The following DLEC1 variants were observed in gnomAD, a reference collection of about 807,000 sequenced individuals.
The protein encoded by DLEC1 is DLEC1 cilia and flagella associated protein, also known as deleted in lung and esophageal cancer protein 1.
Under a neutral mutation model 198.1 loss-of-function variants are expected in DLEC1, and 146 were observed. The observed-to-expected ratio is 0.74, with a 90% CI of 0.64 to 0.85. The LOEUF is 0.85. DLEC1 is among the 40% of genes least tolerant of loss of function. DLEC1 has a pLI of 0.00. For synonymous variants in DLEC1, 897 were observed against 866.8 expected (o/e 1.03, Z -0.61); for missense variants, 2,233 against 2,220.0 (o/e 1.01, Z -0.12).
At position 38,109,539 on chromosome 3, in the gene DLEC1, C is replaced by G; in HGVS notation, c.3237C>G (p.Ile1079Met). Residue 1079 changes from isoleucine (I) to methionine (M), a missense_variant, in exon 22 of 37, where the codon ATC (isoleucine) becomes ATG (methionine). Physicochemically the swap from Ile to Met is conservative, Grantham distance 10. Coordinates refer to ENST00000308059, the MANE Select transcript of DLEC1 (RefSeq NM_007335.4). ...KPQGLQVAIT[I>M]SKESSDCSTE... ...AGGGACTGCAAGTGGCCATTACCAT[C>G]TCTAAGGAGAGCTCTGATTGCAGGT... is the stretch of plus-strand genomic sequence containing the variant. 6.2e-7 allele frequency: 1 copy of G among 1,614,210 alleles called. No homozygotes were observed. Among genetic ancestry groups the G allele is most frequent in the Non-Finnish European group, 8.5e-7 (1 of 1,180,018 alleles).
intron 6 of DLEC1, among the ~76,000 whole-genome samples, chr3:38,070,140 C>T (rs1026503038): frequency 3.9e-5 from 6 of 152,166 alleles, no homozygotes; most frequent in African/African-American, 7.2e-5. Context: ...TAGACCTTGC[C>T]CTTGGGGGTC....
At chr3:38,058,446 T>C (rs1476088123) in intron 2 of DLEC1, among the ~76,000 whole-genome samples, 1 of 152,160 alleles carries the variant, frequency 6.6e-6, no homozygotes, top group African/African-American at 2.4e-5. Flanking sequence ...TAGGCGGCTG[T>C]CTTGTTTACA....
chr3:38,108,201 G>A (rs1468237147), intron 20 of DLEC1, among the ~76,000 whole-genome samples: 1 of 152,216 alleles, frequency 6.6e-6, no homozygotes, highest in Admixed American at 6.5e-5. Flanking sequence ...CCAACAAGTG[G>A]TAAAGTCCAT....
At chr3:38,048,845 G>A (rs1700988340) in intron 2 of DLEC1, among the ~76,000 whole-genome samples, 1 of 152,126 alleles carries the variant, frequency 6.6e-6, no homozygotes, top group Non-Finnish European at 1.5e-5. Flanking sequence ...TCAGGCACAG[G>A]TTCTGTATCT....
Position 38,107,707 on chromosome 3 carries a change from G to T in DLEC1, c.2988G>T (p.Thr996=). Residue 996 remains threonine, a synonymous_variant, in exon 20 of 37, where the codon ACG becomes ACT. Transcript: ENST00000308059. ...TKTTITLING[T]LLPTQFHWGK... is the part of the protein sequence containing the mutation. ...CAACCATCACACTTATCAATGGCAC[G>T]CTCCTGCCTACCCAGTTCCACTGGG... The T allele has an allele frequency of 6.2e-7, 1 of 1,613,974 alleles. No homozygotes were observed. Among genetic ancestry groups the T allele is most frequent in the East Asian group, 2.2e-5 (1 of 44,876 alleles).
intron 13 of DLEC1, 199 bp downstream of exon 13, chr3:38,095,270 C>T: frequency 1.6e-6 from 1 of 609,190 alleles, no homozygotes; most frequent in Non-Finnish European, 2.8e-6. Context: ...GGTCCTGATC[C>T]CAGACTCACC....
intron 2 of DLEC1, chr3:38,052,106 T>TG (rs1280781945): frequency 6.3e-6 from 2 of 318,828 alleles, no homozygotes; most frequent in Non-Finnish European, 6.4e-6. Context: ...CTAAGCAGCA[T>TG]GGGCTCCTCG....
At position 38,120,458 on chromosome 3, in the gene DLEC1, C is replaced by T. The variant is rs1218144645; in HGVS notation, c.4715C>T (p.Ser1572Phe). 2 of 1,614,180 alleles carry T rather than the reference C, an allele frequency of 1.2e-6. No homozygotes were observed. Among genetic ancestry groups the T allele is most frequent in the African/African-American group, 1.3e-5 (1 of 75,042 alleles). ...QAQENMLVNVSFSLSLELLSY... is the reference protein window; with the variant it reads ...QAQENMLVNVFFSLSLELLSY... ...TCCACATCTGCTCAGGTGAACGTGT[C>T]CTTCTCACTCTCCCTGGAGCTGCTC... Residue 1572 changes from serine to phenylalanine, a missense_variant, in exon 34 of 37, where the codon TCC becomes TTC. Physicochemically the swap from Ser to Phe is radical, Grantham distance 155 (BLOSUM62 -2). Coordinates refer to ENST00000308059, the MANE Select transcript of DLEC1 (RefSeq NM_007335.4).
chr3:38,051,344 C>A (rs1032505180), intron 2 of DLEC1, among the ~76,000 whole-genome samples: 1 of 152,234 alleles, frequency 6.6e-6, no homozygotes, highest in Admixed American at 6.5e-5. Flanking sequence ...CCTGGTCCAC[C>A]GCGGTCCCCA....
chr3:38,072,759 C>T (rs888168858), intron 6 of DLEC1, among the ~76,000 whole-genome samples: 5 of 152,030 alleles, frequency 3.3e-5, no homozygotes, highest in South Asian at 2.1e-4. Flanking sequence ...TAGTCGGGCA[C>T]GATTGGCAGG....
chr3:38,050,544 T>G, intron 2 of DLEC1, among the ~76,000 whole-genome samples: 1 of 147,798 alleles, frequency 6.8e-6, no homozygotes, highest in Admixed American at 6.8e-5. Flanking sequence ...CAAGTGAGAG[T>G]GGGGGTTTTG....
At position 38,095,219 on chromosome 3, in the gene DLEC1, G is replaced by A. The variant is rs544397423; in HGVS notation, c.2112+148G>A. ...CAGCACTTGGCTGAGTTGGGTTGGA[G>A]TACACACCTGGTGTGCAGGGTGAAG... is the stretch of plus-strand genomic sequence containing the variant. On this transcript the variant is annotated intron_variant, in intron 13 of 36. Coordinates refer to ENST00000308059, the MANE Select transcript of DLEC1 (RefSeq NM_007335.4). 8.3e-5 allele frequency: 75 copies of A among 900,926 alleles called. No homozygotes were observed. The East Asian group carries it at 1.9e-3, about 23-fold the overall frequency. 55.8% of individuals were successfully genotyped at this position (900,926 alleles called of 1,614,324 possible).
chr3:38,082,119 G>A (rs1278283865), intron 6 of DLEC1, among the ~76,000 whole-genome samples: 1 of 149,346 alleles, frequency 6.7e-6, no homozygotes, highest in Non-Finnish European at 1.5e-5. Flanking sequence ...TCCCAGACGG[G>A]GTCTCGGCCA....
intron 6 of DLEC1, among the ~76,000 whole-genome samples, chr3:38,080,165 G>T (rs530329185): frequency 2.0e-5 from 3 of 152,308 alleles, no homozygotes; most frequent in African/African-American, 7.2e-5. Context: ...TTTAGCTCCA[G>T]CCACCTTTTT....
rs753358425 is a variant in DLEC1 at position 38,110,129 on chromosome 3, G to T, written c.3291G>T (p.Glu1097Asp). The T allele has an allele frequency of 6.2e-7, 1 of 1,614,152 alleles. No homozygotes were observed. Among genetic ancestry groups the T allele is most frequent in the Non-Finnish European group, 8.5e-7 (1 of 1,180,038 alleles). The change falls in exon 23 of 37, where the codon GAG becomes GAT. Residue 1097 changes from glutamate (E) to aspartate (D), a missense_variant. Transcript: ENST00000308059. ...AGCAGTGGCCAGGCCACCCAAAGGA[G>T]CTCCGCCTGGACTTTGGCTCAGCGG... ...STEQWPGHPKELRLDFGSAVP... is the reference protein window; with the variant it reads ...STEQWPGHPKDLRLDFGSAVP...
In DLEC1 at chr3:38,088,308, G is replaced by T. The variant is rs376778634; in HGVS notation, c.1585G>T (p.Val529Phe). The change falls in exon 10 of 37, where the codon GTC becomes TTC. Residue 529 changes from valine to phenylalanine, a missense_variant. Coordinates refer to ENST00000308059, the MANE Select transcript of DLEC1 (RefSeq NM_007335.4). ...GCTTTTCTTTAAGGCCATTGCAACC[G>T]TCGGCTTTGTTGAACAACCTCCTTT... The part of the protein sequence containing the change: ...PPLSFKAIAT[V>F]GFVEQPPFGI... The T allele has an allele frequency of 3.1e-6, 5 of 1,613,846 alleles. No homozygotes were observed. In the Middle Eastern group the frequency reaches 8.2e-4, roughly 266 times the overall value.
chr3:38,104,238 C>T (rs1235098052), intron 19 of DLEC1, among the ~76,000 whole-genome samples: 1 of 152,144 alleles, frequency 6.6e-6, no homozygotes, highest in Non-Finnish European at 1.5e-5. Context: ...GGACGGATCA[C>T]CTAAGGTCAG....
At position 38,084,278 on chromosome 3, in the gene DLEC1, A is replaced by C. The variant is rs1553617517; in HGVS notation, c.1261+33A>C. On this transcript the variant is annotated intron_variant, in intron 7 of 36. Transcript: ENST00000308059. ...CAGTATTTGTAAGTTCATTAGTAGT[A>C]GTGGTAATAGTAGTGGTGGTATTAG... The C allele has an allele frequency of 3.2e-6, 5 of 1,573,076 alleles. No individual in the cohort carries two copies. In the Middle Eastern group the frequency reaches 5.0e-4, roughly 159 times the overall value.
intron 6 of DLEC1, among the ~76,000 whole-genome samples, chr3:38,073,961 C>T (rs1697463764): frequency 6.6e-6 from 1 of 152,196 alleles, no homozygotes; most frequent in South Asian, 2.1e-4. Context: ...AGGAGTCGGT[C>T]AGAGAGCCTT....
Sources: gnomAD v4.1 joint callset for allele counts (sites outside exome capture counted in the v4.1 genomes callset) on GRCh38, gnomAD v4.1.1 for gene constraint, MANE v1.5 for transcripts, NCBI Gene and HGNC (gene_info 2026-07-23, HGNC 2026-07-21) for gene names.